PHACTR3: variants seen among roughly 807,000 people sequenced by gnomAD.
PHACTR3 encodes the protein protein phosphatase 1, regulatory subunit 123.
PHACTR3 carries 16 observed loss-of-function variants against 66.8 expected under a neutral mutation model. The ratio of observed to expected loss-of-function variants is 0.24; its 90% CI spans 0.16 to 0.36. The LOEUF is 0.36. Among genes scored for constraint, PHACTR3 ranks in the 10% least tolerant of loss-of-function variants. The pLI, the probability that PHACTR3 is intolerant of heterozygous loss-of-function variation, is 1.00. For missense variants in PHACTR3, 647 were observed against 719.9 expected (o/e 0.90, Z 1.16); for synonymous variants, 323 against 292.1 (o/e 1.11, Z -1.08).
chr20:59,585,520 G>A (rs189645613), intron 1 of PHACTR3, among the ~76,000 whole-genome samples: 14 of 152,258 alleles, frequency 9.2e-5, no homozygotes, highest in Admixed American at 7.8e-4. Flanking sequence ...GGTGGTCCTG[G>A]GGACCCCCAG....
At chr20:59,737,184 C>T (rs1231631182) in intron 1 of PHACTR3, among the ~76,000 whole-genome samples, 3 of 152,168 alleles carry the variant, frequency 2.0e-5, no homozygotes, top group African/African-American at 4.8e-5. Context: ...TAGCCCCTGT[C>T]CTGTTCCCCA....
intron 8 of PHACTR3, among the ~76,000 whole-genome samples, chr20:59,819,389 A>G (rs567458634): frequency 6.6e-5 from 10 of 152,210 alleles, no homozygotes; most frequent in African/African-American, 2.4e-4. Flanking sequence ...AAAAACAGCT[A>G]GGCATGGTGG....
rs149072057 is a variant in PHACTR3 at position 59,678,641 on chromosome 20, T to G, written c.119-64466T>G. 4.1e-4 allele frequency among the ~76,000 whole-genome samples: 62 copies of G among 152,342 alleles called. 2 individuals carry two copies. The highest frequency in any genetic ancestry group is 1.4e-3 in the African/African-American group (57 of 41,590). ...TCATCTACTTGCAGAGCTTACCGTGTTTTGTAATCTGTGTTTTGTGGGGCA... is the reference window on the plus strand; with the variant it reads ...TCATCTACTTGCAGAGCTTACCGTGGTTTGTAATCTGTGTTTTGTGGGGCA... On this transcript the variant is annotated intron_variant, in intron 1 of 12. Coordinates refer to ENST00000371015, the MANE Select transcript of PHACTR3 (RefSeq NM_080672.5).
chr20:59,747,278 T>C (rs1438814856), intron 2 of PHACTR3, among the ~76,000 whole-genome samples: 4 of 152,188 alleles, frequency 2.6e-5, no homozygotes, highest in East Asian at 1.9e-4. Context: ...GAAGAAGCTC[T>C]AGTGGGAGAG....
Position 59,723,248 on chromosome 20 carries a change from A to G in PHACTR3, c.119-19859A>G, listed in dbSNP as rs962855497. On this transcript the variant is annotated intron_variant, in intron 1 of 12. Coordinates refer to ENST00000371015, the MANE Select transcript of PHACTR3 (RefSeq NM_080672.5). ...AGTCTAATTTTAAAACACTTTCATCATCCCAAGAGGAAACCCCATGTCCAT... is the reference window on the plus strand; with the variant it reads ...AGTCTAATTTTAAAACACTTTCATCGTCCCAAGAGGAAACCCCATGTCCAT... Among the ~76,000 whole-genome samples, 16 of 151,914 alleles carry G rather than the reference A, an allele frequency of 1.1e-4. 1 individual carries two copies. The highest frequency in any genetic ancestry group is 1.3e-4 in the Non-Finnish European group (9 of 67,986).
intron 1 of PHACTR3, among the ~76,000 whole-genome samples, chr20:59,580,672 GC>G (rs1366875044): frequency 3.3e-5 from 5 of 152,080 alleles, no homozygotes; most frequent in Non-Finnish European, 2.9e-5. Context: ...TTTAGGGGCT[GC>G]AAAAGACAGT....
chr20:59,784,610 G>A (rs537791414), intron 7 of PHACTR3, among the ~76,000 whole-genome samples: 63 of 152,264 alleles, frequency 4.1e-4, no homozygotes, highest in Non-Finnish European at 7.4e-4. Flanking sequence ...AGCCCAGTGT[G>A]AGACCTAGGG....
At position 59,736,869 on chromosome 20, in the gene PHACTR3, A is replaced by G. The variant is rs1235291400; in HGVS notation, c.119-6238A>G. Among the ~76,000 whole-genome samples the G allele has an allele frequency of 6.6e-6, 1 of 152,042 alleles. No homozygotes were observed. Among genetic ancestry groups the G allele is most frequent in the Non-Finnish European group, 1.5e-5 (1 of 67,986 alleles). Reference sequence around the variant, plus strand: ...CCAGGGAAGGCAGAGGGGAGAGGGAATTTCCTCCCAAGGGGGATGCAGAGC... The same window carrying G: ...CCAGGGAAGGCAGAGGGGAGAGGGAGTTTCCTCCCAAGGGGGATGCAGAGC... On this transcript the variant is annotated intron_variant, in intron 1 of 12. Coordinates refer to ENST00000371015, the MANE Select transcript of PHACTR3 (RefSeq NM_080672.5). This position sits in a 1 kb window ranked among gnomAD's most constrained non-coding sequence, Gnocchi z 4.6.
chr20:59,826,591 GCT>G (rs2042198307), intron 8 of PHACTR3, among the ~76,000 whole-genome samples: 1 of 151,620 alleles, frequency 6.6e-6, no homozygotes, highest in Admixed American at 6.6e-5. Flanking sequence ...TCTCACACCT[GCT>G]CTCTCTGTAC....
intron 7 of PHACTR3, among the ~76,000 whole-genome samples, chr20:59,779,999 C>T (rs1329585742): frequency 6.6e-6 from 1 of 152,202 alleles, no homozygotes; most frequent in African/African-American, 2.4e-5. Context: ...TGTGCTGAAC[C>T]CAAGAGTCAT....
chr20:59,825,956 T>C lies in PHACTR3; in HGVS notation c.1329-10549T>C, dbSNP rs559231715. ...GAGGGCTGCATTGCTCCCTCCACCA[T>C]GTGAGGACACAGTGAGAAGATGCTG... On this transcript the variant is annotated intron_variant, in intron 8 of 12. Coordinates refer to ENST00000371015, the MANE Select transcript of PHACTR3 (RefSeq NM_080672.5). Among the ~76,000 whole-genome samples the C allele has an allele frequency of 5.9e-5, 9 of 152,256 alleles. No homozygotes were observed. In the South Asian group the frequency reaches 1.9e-3, roughly 32 times the overall value.
At chr20:59,790,532 A>G (rs543788536) in intron 7 of PHACTR3, among the ~76,000 whole-genome samples, 1 of 152,368 alleles carries the variant, frequency 6.6e-6, no homozygotes, top group African/African-American at 2.4e-5. Flanking sequence ...CACTAACCTA[A>G]GTGTCCATTC....
intron 1 of PHACTR3, among the ~76,000 whole-genome samples, chr20:59,614,830 T>A (rs1294688556): frequency 1.3e-5 from 2 of 152,314 alleles, no homozygotes; most frequent in Admixed American, 6.5e-5. Flanking sequence ...CCAAAAATGA[T>A]CTTTCTGCTT....
chr20:59,608,221 A>G (rs1672549732), intron 1 of PHACTR3, among the ~76,000 whole-genome samples: 1 of 152,068 alleles, frequency 6.6e-6, no homozygotes, highest in Non-Finnish European at 1.5e-5. Context: ...TTATTAGTTC[A>G]TTAAATCTCC....
intron 1 of PHACTR3, among the ~76,000 whole-genome samples, chr20:59,742,700 G>A (rs1466798139): frequency 6.6e-6 from 1 of 152,176 alleles, no homozygotes; most frequent in Non-Finnish European, 1.5e-5. Flanking sequence ...TAAAGACTCT[G>A]GACAAAGTCC....
At chr20:59,694,290 T>C (rs548557937) in intron 1 of PHACTR3, among the ~76,000 whole-genome samples, 2 of 152,244 alleles carry the variant, frequency 1.3e-5, no homozygotes, top group East Asian at 3.9e-4. Context: ...GGCTTCTGTC[T>C]CCCTCTGCTT....
At chr20:59,705,484 T>C (rs887753412) in intron 1 of PHACTR3, among the ~76,000 whole-genome samples, 6 of 152,206 alleles carry the variant, frequency 3.9e-5, no homozygotes, top group African/African-American at 1.4e-4. Flanking sequence ...AAAAGAGTGA[T>C]TCATCTTACT....
intron 1 of PHACTR3, among the ~76,000 whole-genome samples, chr20:59,664,792 G>T (rs947054373): frequency 1.3e-5 from 2 of 152,168 alleles, no homozygotes; most frequent in African/African-American, 4.8e-5. Flanking sequence ...TACGTCTTCT[G>T]CCAACCTGCC....
At position 59,802,330 on chromosome 20, in the gene PHACTR3, C is replaced by T. The variant is rs1010926638; in HGVS notation, c.1175-3711C>T. Among the ~76,000 whole-genome samples the T allele has an allele frequency of 2.6e-5, 4 of 152,246 alleles. No homozygotes were observed. The South Asian group carries it at 6.2e-4, about 24-fold the overall frequency. On this transcript the variant is annotated intron_variant, in intron 7 of 12. Coordinates refer to ENST00000371015, the MANE Select transcript of PHACTR3 (RefSeq NM_080672.5). ...GGGTTTGAGGATTGGGTCCTGGGCA[C>T]ATCCACCTCTGGAGGTAGGGGAGAT...
Sources: allele counts gnomAD v4.1 joint callset (sites outside exome capture counted in the v4.1 genomes callset), GRCh38; gene constraint gnomAD v4.1.1; non-coding constraint Gnocchi (gnomAD v3.1); transcripts MANE v1.5; gene names NCBI Gene and HGNC (gene_info 2026-07-23, HGNC 2026-07-21).